The following RNF38 variants were observed in gnomAD, a reference collection of about 807,000 sequenced individuals.
RNF38 encodes E3 ubiquitin-protein ligase RNF38.
In RNF38, 15 loss-of-function variants were observed where a neutral mutation model predicts 67.2. That is an observed-to-expected ratio of 0.22 (90% confidence interval 0.15 to 0.34). RNF38 has a LOEUF of 0.34. RNF38 is among the 10% of genes least tolerant of loss of function. RNF38 has a pLI of 1.00. For missense variants in RNF38, 524 were observed against 639.9 expected (o/e 0.82, Z 1.95); for synonymous variants, 220 against 218.8 (o/e 1.01, Z -0.05).
At chr9:36,446,995 C>A (rs529234969) in intron 1 of RNF38, among the ~76,000 whole-genome samples, 5 of 150,554 alleles carry the variant, frequency 3.3e-5, no homozygotes, top group Non-Finnish European at 7.4e-5. Context: ...GGTGTGGTGG[C>A]GGATGCCTGT....
intron 6 of RNF38, among the ~76,000 whole-genome samples, chr9:36,355,639 A>G (rs893885016): frequency 5.9e-5 from 9 of 152,196 alleles, no homozygotes; most frequent in Admixed American, 5.9e-4. Flanking sequence ...CCACATAAAA[A>G]GAAAAAAACA....
intron 4 of RNF38, among the ~76,000 whole-genome samples, chr9:36,362,584 A>C (rs901008835): frequency 6.6e-6 from 1 of 152,200 alleles, no homozygotes; most frequent in East Asian, 1.9e-4. Flanking sequence ...TTCCTGGTCA[A>C]AATGATCTCA....
upstream of RNF38, among the ~76,000 whole-genome samples, chr9:36,405,821 G>A (rs73648752): frequency 3.8e-3 from 584 of 152,240 alleles, 3 homozygotes; most frequent in African/African-American, 0.013. Flanking sequence ...GAAGGGTACC[G>A]TTGCTACAAA....
Position 36,487,519 on chromosome 9 carries a change from G to GGCGGCGGCGGCAGCGACC in RNF38, n.12_29dup, listed in dbSNP as rs1216538628. ...AGTGCGCGGCGGCGGCGGCTGCTGA[G>GGCGGCGGCGGCAGCGACC]GCGGCGGCGGCAGCGACCGCGGCGG... On this transcript the variant is annotated non_coding_transcript_exon_variant, in exon 1 of 4. Transcript: ENST00000488058. 7 of 980,696 alleles carry GGCGGCGGCGGCAGCGACC rather than the reference G, an allele frequency of 7.1e-6. No individual in the cohort carries two copies. In the East Asian group the frequency reaches 4.6e-4, roughly 64 times the overall value. The allele number at this position is 980,696 out of a possible 1,614,324, so 60.7% of individuals were successfully genotyped here.
intron 3 of RNF38, among the ~76,000 whole-genome samples, chr9:36,371,118 G>A (rs975637130): frequency 2.0e-5 from 3 of 152,152 alleles, no homozygotes; most frequent in Non-Finnish European, 4.4e-5. Flanking sequence ...ATTGGGCAAA[G>A]GAGGTCAAAC....
intron 3 of RNF38, among the ~76,000 whole-genome samples, chr9:36,373,695 G>T (rs986673258): frequency 6.6e-6 from 1 of 151,026 alleles, no homozygotes; most frequent in Non-Finnish European, 1.5e-5. Context: ...GGCTGGTCTC[G>T]AACTCTTGAC....
intron 1 of RNF38, among the ~76,000 whole-genome samples, chr9:36,482,010 A>C (rs1028962083): frequency 6.6e-6 from 1 of 151,150 alleles, no homozygotes; most frequent in African/African-American, 2.4e-5. Context: ...GCACATAGGT[A>C]CTATACTTTC....
chr9:36,479,330 T>G (rs1840194980), intron 1 of RNF38, among the ~76,000 whole-genome samples: 1 of 151,912 alleles, frequency 6.6e-6, no homozygotes. Flanking sequence ...CAGAAAAGAG[T>G]GGGTGGTAGC....
Position 36,352,821 on chromosome 9 carries a change from G to C in RNF38, c.1099C>G (p.Leu367Val), listed in dbSNP as rs1474259881. The C allele has an allele frequency of 6.2e-7, 1 of 1,613,900 alleles. No homozygotes were observed. The highest frequency in any genetic ancestry group is 2.2e-5 in the East Asian group (1 of 44,872). Residue 367 changes from leucine (L) to valine (V), a missense_variant, in exon 8 of 12, where the codon CTT becomes GTT. Leu to Val is a conservative substitution (Grantham distance 32). Coordinates refer to ENST00000259605, the MANE Select transcript of RNF38 (RefSeq NM_022781.5). The stretch of plus-strand genomic sequence containing the variant: ...GATCGGTATCTACTACGTCCTGTAA[G>C]CCTCCGAGGCATAAATGGAGGATAA... Reference protein sequence around the residue: ...VPYPPFMPRRLTGRSRYRSQQ... With the variant: ...VPYPPFMPRRVTGRSRYRSQQ...
At chr9:36,366,553 A>G (rs1442814899) in intron 4 of RNF38, among the ~76,000 whole-genome samples, 1 of 152,226 alleles carries the variant, frequency 6.6e-6, no homozygotes, top group Non-Finnish European at 1.5e-5. Flanking sequence ...ATTACCTAAG[A>G]TGCTTCGGGA....
intron 1 of RNF38, among the ~76,000 whole-genome samples, chr9:36,394,558 T>C (rs1269248784): frequency 6.6e-6 from 1 of 152,246 alleles, no homozygotes; most frequent in African/African-American, 2.4e-5. Context: ...TTAAGCAGTA[T>C]AGCAGGTTTT....
chr9:36,417,076 A>G (rs567278571), intron 2 of RNF38, among the ~76,000 whole-genome samples: 15 of 152,006 alleles, frequency 9.9e-5, no homozygotes, highest in Non-Finnish European at 2.2e-4. Flanking sequence ...ATCAACTTTT[A>G]TATTTCATTT....
In RNF38 at chr9:36,339,690, G is replaced by C; in HGVS notation, c.*62C>G. 2 of 1,333,570 alleles carry C rather than the reference G, an allele frequency of 1.5e-6. No individual in the cohort carries two copies. Among genetic ancestry groups the C allele is most frequent in the Non-Finnish European group, 1.1e-6 (1 of 936,118 alleles). The allele number at this position is 1,333,570 out of a possible 1,614,324, so 82.6% of individuals were successfully genotyped here. A position where few individuals can be genotyped will look rare whatever the true frequency, so the allele number is the denominator to read the frequency against. ...GGAAGCCACACAGATTAAGTTCAAT[G>C]GATAGTCCGTATATACATGTGATGA... On this transcript the variant is annotated 3_prime_UTR_variant, in exon 12 of 12. Coordinates refer to ENST00000259605, the MANE Select transcript of RNF38 (RefSeq NM_022781.5).
chr9:36,390,626 A>G lies in RNF38; in HGVS notation c.13-10T>C. 6.2e-7 allele frequency: 1 copy of G among 1,613,826 alleles called. No homozygotes were observed. The highest frequency in any genetic ancestry group is 8.5e-7 in the Non-Finnish European group (1 of 1,179,768). On this transcript the variant is annotated splice_polypyrimidine_tract_variant and intron_variant, in intron 1 of 11. Transcript: ENST00000259605. ...TGGCCCCGGGAGATATCTGGGAAAA[A>G]GAGGAAGAAAAGGATAGTTCATGGC...
At chr9:36,401,415 T>A (rs573599703), upstream of RNF38, among the ~76,000 whole-genome samples, 29 of 151,422 alleles carry the variant, frequency 1.9e-4, no homozygotes, top group African/African-American at 7.0e-4. Context: ...AACTCCGCAA[T>A]CAAACAGTAA....
rs1642992791 is a variant in RNF38, at chr9:36,339,131, A to C, written c.*621T>G. 1 of 152,680 alleles carries C rather than the reference A, an allele frequency of 6.5e-6. No individual in the cohort carries two copies. Among genetic ancestry groups the C allele is most frequent in the Non-Finnish European group, 1.5e-5 (1 of 68,062 alleles). 9.5% of individuals were successfully genotyped at this position (152,680 alleles called of 1,614,324 possible). On this transcript the variant is annotated 3_prime_UTR_variant, in exon 12 of 12. Coordinates refer to ENST00000259605, the MANE Select transcript of RNF38 (RefSeq NM_022781.5). ...GATGCACCCTCAGCAATCAGTGTGCAACAGCAAACACAAGGGAAAAAAACC... is the reference window on the plus strand; with the variant it reads ...GATGCACCCTCAGCAATCAGTGTGCCACAGCAAACACAAGGGAAAAAAACC...
chr9:36,468,932 T>C (rs1465306711), intron 1 of RNF38, among the ~76,000 whole-genome samples: 2 of 150,112 alleles, frequency 1.3e-5, no homozygotes, highest in South Asian at 2.1e-4. Context: ...ACCAATACGG[T>C]GAAACCCTGT....
At chr9:36,465,832 C>A (rs982798354) in intron 1 of RNF38, among the ~76,000 whole-genome samples, 1 of 151,940 alleles carries the variant, frequency 6.6e-6, no homozygotes, top group Non-Finnish European at 1.5e-5. Flanking sequence ...GGGTGGATCA[C>A]GAGGTCAGGA....
At chr9:36,428,181 C>T (rs1037570796) in intron 1 of RNF38, among the ~76,000 whole-genome samples, 4 of 151,796 alleles carry the variant, frequency 2.6e-5, no homozygotes, top group Non-Finnish European at 4.4e-5. Flanking sequence ...CTTTGGGAGG[C>T]GGAGGCAGGC....
Sources: allele counts gnomAD v4.1 joint callset (sites outside exome capture counted in the v4.1 genomes callset), GRCh38; gene constraint gnomAD v4.1.1; transcripts MANE v1.5; gene names NCBI Gene and HGNC (gene_info 2026-07-23, HGNC 2026-07-21).